Variants in CDYL observed in about 807,000 individuals in gnomAD.
CDYL encodes chromodomain Y-like protein.
Under a neutral mutation model 47.3 loss-of-function variants are expected in CDYL, and 8 were observed. That is an observed-to-expected ratio of 0.17 (90% CI 0.10 to 0.31). The LOEUF (loss-of-function observed/expected upper bound fraction) is 0.31, where lower values mean the gene tolerates loss of function less well. CDYL is among the 10% of genes least tolerant of loss of function. The probability of loss-of-function intolerance (pLI) is 1.00; values close to 1 mark genes in which losing one functional copy is unlikely to be tolerated. For missense variants in CDYL, 471 were observed against 701.4 expected (o/e 0.67, Z 3.71); for synonymous variants, 266 against 265.0 (o/e 1.00, Z -0.04).
chr6:4,935,545 C>G lies in CDYL; in HGVS notation c.722C>G (p.Ala241Gly), dbSNP rs373375953. The G allele has an allele frequency of 8.7e-6, 14 of 1,614,088 alleles. No individual in the cohort carries two copies. Among genetic ancestry groups the G allele is most frequent in the African/African-American group, 1.3e-5 (1 of 74,930 alleles). ...TCTCCGTTCATGGATGCATTAACAG[C>G]CAATGGGACAACCAACATACAGACA... ...GTSPFMDALT[A>G]NGTTNIQTSV... The change falls in exon 3 of 7, where the codon GCC becomes GGC. Residue 241 changes from alanine (A) to glycine (G), a missense_variant. Coordinates refer to ENST00000397588, the MANE Select transcript of CDYL (RefSeq NM_004824.4).
chr6:4,887,196 G>T (rs934937732), intron 1 of CDYL, among the ~76,000 whole-genome samples: 3 of 152,046 alleles, frequency 2.0e-5, no homozygotes, highest in African/African-American at 7.2e-5. Context: ...TACCAATTCC[G>T]TGTGAATTTT....
At chr6:4,867,004 A>G (rs1348388259) in intron 1 of CDYL, among the ~76,000 whole-genome samples, 1 of 152,162 alleles carries the variant, frequency 6.6e-6, no homozygotes, top group African/African-American at 2.4e-5. Flanking sequence ...GTCACAAATA[A>G]GTATAACAAA....
At chr6:4,753,870 G>A (rs1273818532) in intron 3 of CDYL, among the ~76,000 whole-genome samples, 1 of 152,086 alleles carries the variant, frequency 6.6e-6, no homozygotes. Context: ...GGAAACTTGG[G>A]GCCAAATTTG....
At chr6:4,721,370 G>A (rs964606783) in intron 2 of CDYL, among the ~76,000 whole-genome samples, 3 of 151,860 alleles carry the variant, frequency 2.0e-5, no homozygotes, top group African/African-American at 7.3e-5. Flanking sequence ...GGAGGGGAGG[G>A]GAGGGGTGTT....
intron 2 of CDYL, among the ~76,000 whole-genome samples, chr6:4,731,930 C>T (rs547634971): frequency 3.4e-4 from 51 of 151,888 alleles, no homozygotes; most frequent in East Asian, 9.6e-4. Context: ...TATTTCTTTT[C>T]GGTGTCAATT....
intron 4 of CDYL, among the ~76,000 whole-genome samples, chr6:4,941,196 C>G (rs1239921160): frequency 6.6e-6 from 1 of 152,192 alleles, no homozygotes; most frequent in African/African-American, 2.4e-5. Flanking sequence ...TTTGAGTGTT[C>G]ATACATTTTG....
chr6:4,896,614 C>T (rs988079254), intron 2 of CDYL, among the ~76,000 whole-genome samples: 5 of 152,278 alleles, frequency 3.3e-5, no homozygotes, highest in South Asian at 4.1e-4. Context: ...AGCCCTCGTT[C>T]GCCCTCTGGC....
chr6:4,753,373 G>A (rs1758027666), intron 3 of CDYL, among the ~76,000 whole-genome samples: 1 of 152,148 alleles, frequency 6.6e-6, no homozygotes, highest in Non-Finnish European at 1.5e-5. Flanking sequence ...CTAAAGATGT[G>A]TAATAATGCA....
At chr6:4,711,425 C>T (rs4960034) in intron 1 of CDYL, among the ~76,000 whole-genome samples, 31,594 of 152,104 alleles carry the variant, frequency 0.21, 3,991 homozygotes, top group East Asian at 0.33. Context: ...CCCTCAGGAG[C>T]GACAGAAGGC....
At chr6:4,789,576 C>T (rs938441222) in intron 1 of CDYL, among the ~76,000 whole-genome samples, 1 of 152,178 alleles carries the variant, frequency 6.6e-6, no homozygotes, top group African/African-American at 2.4e-5. Flanking sequence ...CAGTACAGTC[C>T]TTGAGGAGCT....
At chr6:4,723,653 C>G (rs192281306) in intron 2 of CDYL, among the ~76,000 whole-genome samples, 2 of 152,084 alleles carry the variant, frequency 1.3e-5, no homozygotes, top group South Asian at 2.1e-4. Flanking sequence ...GTAAATCTGA[C>G]TACAAGGCAG....
intron 2 of CDYL, among the ~76,000 whole-genome samples, chr6:4,730,674 C>CA (rs56956798): frequency 0.12 from 7,089 of 60,138 alleles, 1,182 homozygotes; most frequent in East Asian, 0.22. Context: ...AATTCCATCT[C>CA]AAAAAAAAAA....
chr6:4,766,099 C>T (rs1236882852), intron 3 of CDYL, among the ~76,000 whole-genome samples: 3 of 152,098 alleles, frequency 2.0e-5, no homozygotes, highest in Non-Finnish European at 1.5e-5. Context: ...AGAGATCCTA[C>T]AAATACTAAA....
intron 2 of CDYL, among the ~76,000 whole-genome samples, chr6:4,933,545 C>T (rs965199885): frequency 6.6e-6 from 1 of 152,252 alleles, no homozygotes; most frequent in Admixed American, 6.5e-5. Context: ...GCAGGTGAGG[C>T]CGTGATGGGA....
intron 3 of CDYL, among the ~76,000 whole-genome samples, chr6:4,737,160 A>G (rs1757717896): frequency 6.6e-6 from 1 of 152,220 alleles, no homozygotes; most frequent in African/African-American, 2.4e-5. Context: ...ATGAAAAACA[A>G]GTTGTAAAGA....
intron 1 of CDYL, among the ~76,000 whole-genome samples, chr6:4,706,860 G>A (rs944343488): frequency 6.6e-5 from 10 of 152,232 alleles, no homozygotes; most frequent in African/African-American, 2.4e-4. Context: ...GACTTCAGAA[G>A]GCCTTGAACT....
In CDYL at chr6:4,853,632, G is replaced by A. The variant is rs79359783; in HGVS notation, c.25-38081G>A. On this transcript the variant is annotated intron_variant, in intron 1 of 6. Coordinates refer to ENST00000397588, the MANE Select transcript of CDYL (RefSeq NM_004824.4). ...GGTTTTTCTTTTAGATTACTGCATC[G>A]AGTCCCTGTCTCCTGCCTTTCTTCT... Among the ~76,000 whole-genome samples, 1,139 of 152,200 alleles carry A rather than the reference G, an allele frequency of 7.5e-3. 19 individuals are homozygous for A. Among genetic ancestry groups the A allele is most frequent in the African/African-American group, 0.026 (1,089 of 41,532 alleles).
chr6:4,717,249 A>G (rs1018707781), intron 2 of CDYL, among the ~76,000 whole-genome samples: 1 of 152,140 alleles, frequency 6.6e-6, no homozygotes, highest in Non-Finnish European at 1.5e-5. Flanking sequence ...GGTTATCCTC[A>G]ATTCCCTAAT....
intron 1 of CDYL, among the ~76,000 whole-genome samples, chr6:4,876,459 A>G (rs1157958397): frequency 6.6e-6 from 1 of 152,160 alleles, no homozygotes; most frequent in Non-Finnish European, 1.5e-5. Context: ...CCTACCAACG[A>G]TGTATGAATG....
Sources: allele counts gnomAD v4.1 joint callset (sites outside exome capture counted in the v4.1 genomes callset), GRCh38; gene constraint gnomAD v4.1.1; transcripts MANE v1.5; gene names NCBI Gene and HGNC (gene_info 2026-07-23, HGNC 2026-07-21).